Variants in ACAP2 observed in about 807,000 individuals in gnomAD.
The protein encoded by ACAP2 is arf-GAP with coiled-coil, ANK repeat and PH domain-containing protein 2.
Under a neutral mutation model 115.8 loss-of-function variants are expected in ACAP2, and 39 were observed. That is an observed-to-expected ratio of 0.34 (90% CI 0.26 to 0.44). ACAP2 has a LOEUF of 0.44. Among genes scored for constraint, ACAP2 ranks in the 20% least tolerant of loss-of-function variants. The pLI is 1.00. For synonymous variants in ACAP2, 289 were observed against 315.8 expected (o/e 0.92, Z 0.90); for missense variants, 662 against 927.6 (o/e 0.71, Z 3.72).
chr3:195,364,507 G>C (rs1732584206), intron 4 of ACAP2, among the ~76,000 whole-genome samples: 1 of 151,906 alleles, frequency 6.6e-6, no homozygotes, highest in African/African-American at 2.4e-5. Flanking sequence ...GGAGATGGAG[G>C]TTGCAGTAAA....
intron 4 of ACAP2, among the ~76,000 whole-genome samples, chr3:195,345,944 C>T (rs956209466): frequency 2.0e-5 from 3 of 152,212 alleles, no homozygotes; most frequent in South Asian, 2.1e-4. Flanking sequence ...AAATGCTTAT[C>T]GTGGGGATTC....
At position 195,277,546 on chromosome 3, in the gene ACAP2, C is replaced by A. The variant is rs1345663518; in HGVS notation, c.*1782G>T. The A allele has an allele frequency of 1.3e-5, 2 of 152,156 alleles. No homozygotes were observed. The highest frequency in any genetic ancestry group is 4.8e-5 in the African/African-American group (2 of 41,430). 9.4% of individuals were successfully genotyped at this position (152,156 alleles called of 1,614,324 possible). The stretch of plus-strand genomic sequence containing the variant: ...CATGCAGTTTGGCCAAATTATGGAA[C>A]CTTTTCTGTAATGTGAACTTATTTC... On this transcript the variant is annotated 3_prime_UTR_variant, in exon 23 of 23. Transcript: ENST00000326793.
At chr3:195,288,814 T>C (rs56331528) in intron 21 of ACAP2, among the ~76,000 whole-genome samples, 2,268 of 152,046 alleles carry the variant, frequency 0.015, 22 homozygotes, top group Non-Finnish European at 0.02. Flanking sequence ...GCCGGTGCAC[T>C]CCACTCTGGG....
In ACAP2 at chr3:195,322,113, A is replaced by G. The variant is rs369864642; in HGVS notation, c.745-1300T>C. Among the ~76,000 whole-genome samples, 11 of 152,168 alleles carry G rather than the reference A, an allele frequency of 7.2e-5. No individual in the cohort carries two copies. In the East Asian group the frequency reaches 9.7e-4, roughly 13 times the overall value. On this transcript the variant is annotated intron_variant, in intron 9 of 22. Coordinates refer to ENST00000326793, the MANE Select transcript of ACAP2 (RefSeq NM_012287.6). ...CACCTGAATGCAATTTAAACTTCCA[A>G]TTTTCTTCCACACATTCATGAAGTT...
chr3:195,442,708 C>A, intron 1 of ACAP2, 87 bp downstream of exon 1: 3 of 1,390,952 alleles, frequency 2.2e-6, no homozygotes, highest in South Asian at 2.6e-5. Context: ...GACGGCGGGG[C>A]CTCCTCCGGG....
At chr3:195,340,043 G>A (rs1479865630) in intron 6 of ACAP2, among the ~76,000 whole-genome samples, 2 of 151,526 alleles carry the variant, frequency 1.3e-5, no homozygotes, top group East Asian at 3.9e-4. Context: ...AGAAGTCTGA[G>A]TAACCCGGAT....
chr3:195,282,138 CA>C lies in ACAP2; in HGVS notation c.2237-2711del, dbSNP rs1726550046. The C allele has an allele frequency of 1.3e-5, 2 of 152,156 alleles. 1 individual carries two copies. Among genetic ancestry groups the C allele is most frequent in the Admixed American group, 1.3e-4 (2 of 15,278 alleles). 9.4% of individuals were successfully genotyped at this position (152,156 alleles called of 1,614,324 possible). On this transcript the variant is annotated intron_variant, in intron 22 of 22. Coordinates refer to ENST00000326793, the MANE Select transcript of ACAP2 (RefSeq NM_012287.6). Reference sequence around the variant, plus strand: ...GGCAATATATGGCTTCTACTATTAGCAATGCATATTTTGTATAACAAGCTAT... The same window carrying C: ...GGCAATATATGGCTTCTACTATTAGCATGCATATTTTGTATAACAAGCTAT...
chr3:195,404,618 T>A (rs1712584269), intron 1 of ACAP2, among the ~76,000 whole-genome samples: 1 of 151,750 alleles, frequency 6.6e-6, no homozygotes, highest in Admixed American at 6.6e-5. Flanking sequence ...AATCTTCATT[T>A]TCTTTCTCAG....
At chr3:195,315,901 T>TA (rs775475510) in intron 10 of ACAP2, among the ~76,000 whole-genome samples, 4 of 152,208 alleles carry the variant, frequency 2.6e-5, no homozygotes, top group Admixed American at 6.5e-5. Context: ...GGTTCATGTA[T>TA]AAATCAAAAT....
At chr3:195,369,296 TG>T (rs1732960211) in intron 4 of ACAP2, among the ~76,000 whole-genome samples, 1 of 152,204 alleles carries the variant, frequency 6.6e-6, no homozygotes, top group South Asian at 2.1e-4. Flanking sequence ...TTAGGTTCAG[TG>T]GTACATGTGC....
intron 1 of ACAP2, among the ~76,000 whole-genome samples, chr3:195,440,574 C>CA (rs1715918188): frequency 6.6e-6 from 1 of 152,126 alleles, no homozygotes; most frequent in Non-Finnish European, 1.5e-5. Context: ...GCCTTACTAC[C>CA]AAAAAACAAG....
At chr3:195,287,841 C>A (rs72607902) in intron 21 of ACAP2, among the ~76,000 whole-genome samples, 1 of 152,116 alleles carries the variant, frequency 6.6e-6, no homozygotes, top group African/African-American at 2.4e-5. Flanking sequence ...CGGTGACTCA[C>A]GCCTGTAATC....
intron 1 of ACAP2, among the ~76,000 whole-genome samples, chr3:195,413,524 A>G (rs950566025): frequency 3.9e-5 from 6 of 152,064 alleles, no homozygotes; most frequent in Non-Finnish European, 7.4e-5. Context: ...TGAGGCGGGC[A>G]TATCACTTGA....
At chr3:195,420,762 C>A (rs1458681484) in intron 1 of ACAP2, among the ~76,000 whole-genome samples, 1 of 152,102 alleles carries the variant, frequency 6.6e-6, no homozygotes, top group African/African-American at 2.4e-5. Context: ...CCCGCCTCAG[C>A]CTCCCAAGTA....
At chr3:195,439,222 A>T (rs1330199319) in intron 1 of ACAP2, among the ~76,000 whole-genome samples, 2 of 147,830 alleles carry the variant, frequency 1.4e-5, no homozygotes, top group Non-Finnish European at 1.5e-5. Flanking sequence ...AGAGAGAGAG[A>T]GAGTCTAGCT....
At chr3:195,441,145 A>G (rs1715963165) in intron 1 of ACAP2, among the ~76,000 whole-genome samples, 1 of 152,058 alleles carries the variant, frequency 6.6e-6, no homozygotes, top group African/African-American at 2.4e-5. Flanking sequence ...AAAAAAAAAA[A>G]TTAATGTGAA....
At chr3:195,338,765 A>G (rs1730679789) in intron 6 of ACAP2, among the ~76,000 whole-genome samples, 1 of 152,208 alleles carries the variant, frequency 6.6e-6, no homozygotes, top group Non-Finnish European at 1.5e-5. Context: ...CAGCTTAATG[A>G]AATGTTTAAA....
intron 4 of ACAP2, among the ~76,000 whole-genome samples, chr3:195,364,266 T>A (rs2108706010): frequency 6.6e-6 from 1 of 152,110 alleles, no homozygotes; most frequent in South Asian, 2.1e-4. Context: ...ATAATCTAAT[T>A]AAAAATGGGC....
chr3:195,314,825 ATAAAT>A (rs967016622), intron 10 of ACAP2, among the ~76,000 whole-genome samples: 4 of 152,250 alleles, frequency 2.6e-5, no homozygotes, highest in Admixed American at 2.0e-4. Flanking sequence ...GTCCAGTAAA[ATAAAT>A]TAAGCTGCGC....
Sources: gnomAD v4.1 joint callset for allele counts (sites outside exome capture counted in the v4.1 genomes callset) on GRCh38, gnomAD v4.1.1 for gene constraint, MANE v1.5 for transcripts, NCBI Gene and HGNC (gene_info 2026-07-23, HGNC 2026-07-21) for gene names.